Variants in SCAMP1 observed in about 807,000 individuals in gnomAD.
The protein encoded by SCAMP1 is secretory carrier membrane protein 1, also known as secretory carrier-associated membrane protein 1.
SCAMP1 carries 15 observed loss-of-function variants against 41.8 expected under a neutral mutation model. That is an observed-to-expected ratio of 0.36 (90% confidence interval 0.24 to 0.55). SCAMP1 has a LOEUF of 0.55. SCAMP1 is among the 20% of genes least tolerant of loss of function. The probability of loss-of-function intolerance (pLI) is 0.86; values close to 1 mark genes in which losing one functional copy is unlikely to be tolerated. For missense variants in SCAMP1, 341 were observed against 412.6 expected (o/e 0.83, Z 1.50); for synonymous variants, 135 against 136.8 (o/e 0.99, Z 0.09).
intron 6 of SCAMP1, among the ~76,000 whole-genome samples, chr5:78,440,134 G>T (rs545170214): frequency 6.6e-6 from 1 of 152,032 alleles, no homozygotes; most frequent in Middle Eastern, 3.2e-3. Context: ...TTTTAGCTTC[G>T]TGATGGGTTT....
intron 7 of SCAMP1, among the ~76,000 whole-genome samples, chr5:78,453,818 G>A (rs1753308206): frequency 6.6e-6 from 1 of 151,436 alleles, no homozygotes; most frequent in Non-Finnish European, 1.5e-5. Flanking sequence ...CTACCCATGA[G>A]CATGGAATGT....
At chr5:78,433,855 C>T (rs78777069) in intron 6 of SCAMP1, among the ~76,000 whole-genome samples, 1 of 152,208 alleles carries the variant, frequency 6.6e-6, no homozygotes, top group Non-Finnish European at 1.5e-5. Flanking sequence ...GAGATCTGCC[C>T]TTCTCAGTGA....
rs1753995808 is a variant in SCAMP1, at chr5:78,476,015, A to C, written c.*347A>C. On this transcript the variant is annotated 3_prime_UTR_variant, in exon 9 of 9. Transcript: ENST00000621999. ...TAATACTAACTGCAGTAGTTCTTTC[A>C]AGAATCTTTAGAGATAAGGATTGCA... 6.5e-6 allele frequency: 1 copy of C among 154,812 alleles called. No individual in the cohort carries two copies. The highest frequency in any genetic ancestry group is 6.5e-5 in the Admixed American group (1 of 15,470). The allele number at this position is 154,812 out of a possible 1,614,324, so 9.6% of individuals were successfully genotyped here. A position where few individuals can be genotyped will look rare whatever the true frequency, so the allele number is the denominator to read the frequency against.
chr5:78,419,065 C>T (rs1752278033), intron 5 of SCAMP1, among the ~76,000 whole-genome samples, 162 bp downstream of exon 5: 1 of 152,114 alleles, frequency 6.6e-6, no homozygotes, highest in Non-Finnish European at 1.5e-5. Flanking sequence ...TTAGGTACTT[C>T]AGAATTGTAC....
At chr5:78,414,966 T>G in intron 2 of SCAMP1, among the ~76,000 whole-genome samples, 1 of 151,900 alleles carries the variant, frequency 6.6e-6, no homozygotes. Flanking sequence ...CTTTTTTTTT[T>G]TTTTTGAGAT....
intron 1 of SCAMP1, among the ~76,000 whole-genome samples, chr5:78,362,365 C>T (rs1266066778): frequency 6.6e-6 from 1 of 152,164 alleles, no homozygotes; most frequent in Non-Finnish European, 1.5e-5. Flanking sequence ...TATTAACTGG[C>T]TCTCTTGTTA....
At chr5:78,433,058 T>C (rs1752661234) in intron 6 of SCAMP1, among the ~76,000 whole-genome samples, 1 of 152,196 alleles carries the variant, frequency 6.6e-6, no homozygotes, top group South Asian at 2.1e-4. Flanking sequence ...ATGATATTTT[T>C]CATTTCTACC....
chr5:78,419,824 T>C lies in SCAMP1; in HGVS notation c.472+921T>C, dbSNP rs146188325. 1.7e-4 allele frequency among the ~76,000 whole-genome samples: 26 copies of C among 152,336 alleles called. No homozygotes were observed. In the East Asian group the frequency reaches 4.0e-3, roughly 24 times the overall value. On this transcript the variant is annotated intron_variant, in intron 5 of 8. Coordinates refer to ENST00000621999, the MANE Select transcript of SCAMP1 (RefSeq NM_004866.6). ...TCATGTATGTCAAGTTGTTTTGGAA[T>C]GTGAGAAGTGTTTCCTAATGGATAG...
intron 2 of SCAMP1, among the ~76,000 whole-genome samples, chr5:78,414,279 TTTA>T (rs1334938386): frequency 5.3e-5 from 8 of 151,618 alleles, no homozygotes; most frequent in African/African-American, 9.7e-5. Context: ...TAATTTTTAT[TTTA>T]TTATTATTAT....
rs752258321 is a variant in SCAMP1, at chr5:78,480,141, CTT to C, written c.*4475_*4476del. Among the ~76,000 whole-genome samples, 4 of 152,014 alleles carry C rather than the reference CTT, an allele frequency of 2.6e-5. No individual in the cohort carries two copies. The highest frequency in any genetic ancestry group is 5.9e-5 in the Non-Finnish European group (4 of 67,990). Reference sequence around the variant, plus strand: ...ATGTGGCAATGTAGTGAGTGTTAAACTTTGTGTTTGTCCAAATCCTGATTTAT... The same window carrying C: ...ATGTGGCAATGTAGTGAGTGTTAAACTGTGTTTGTCCAAATCCTGATTTAT... On this transcript the variant is annotated 3_prime_UTR_variant, in exon 9 of 9. Transcript: ENST00000621999.
intron 6 of SCAMP1, among the ~76,000 whole-genome samples, chr5:78,432,794 C>G (rs1561274013): frequency 6.6e-6 from 1 of 152,056 alleles, no homozygotes; most frequent in Non-Finnish European, 1.5e-5. Flanking sequence ...GGAAAATTCT[C>G]AGTCATTCAC....
intron 6 of SCAMP1, 130 bp downstream of exon 6, chr5:78,422,090 G>C (rs1468555036): frequency 6.7e-6 from 5 of 750,236 alleles, no homozygotes; most frequent in Non-Finnish European, 6.2e-6. Flanking sequence ...ATACCTTCAG[G>C]AAAGTTCAAT....
intron 6 of SCAMP1, among the ~76,000 whole-genome samples, chr5:78,425,395 A>G (rs2112155092): frequency 6.6e-6 from 1 of 152,320 alleles, no homozygotes; most frequent in Non-Finnish European, 1.5e-5. Flanking sequence ...TCCATAGGTA[A>G]CCATTAGGTT....
At chr5:78,432,520 C>T (rs1752649356) in intron 6 of SCAMP1, among the ~76,000 whole-genome samples, 1 of 152,086 alleles carries the variant, frequency 6.6e-6, no homozygotes, top group Non-Finnish European at 1.5e-5. Context: ...GTACTTTAAA[C>T]ACATCATTTT....
chr5:78,428,994 A>C (rs1457129704), intron 6 of SCAMP1, among the ~76,000 whole-genome samples: 1 of 152,054 alleles, frequency 6.6e-6, no homozygotes, highest in East Asian at 1.9e-4. Context: ...CACTAATTCT[A>C]GTAGTTTGTG....
chr5:78,419,927 G>A (rs1752299880), intron 5 of SCAMP1, among the ~76,000 whole-genome samples: 1 of 152,116 alleles, frequency 6.6e-6, no homozygotes, highest in Admixed American at 6.5e-5. Context: ...AGTGTCAGTA[G>A]TATATATTTT....
intron 6 of SCAMP1, among the ~76,000 whole-genome samples, chr5:78,433,600 G>A (rs1482246174): frequency 6.6e-6 from 1 of 152,148 alleles, no homozygotes; most frequent in East Asian, 1.9e-4. Flanking sequence ...GTTACCTTAT[G>A]TTTAGAGTGA....
At chr5:78,470,232 G>A (rs974581985) in intron 8 of SCAMP1, among the ~76,000 whole-genome samples, 24 of 152,024 alleles carry the variant, frequency 1.6e-4, no homozygotes, top group Non-Finnish European at 3.2e-4. Context: ...CAATTCAGTG[G>A]CATCAATTAC....
intron 6 of SCAMP1, among the ~76,000 whole-genome samples, chr5:78,427,415 A>G (rs145228506): frequency 6.6e-6 from 1 of 152,258 alleles, no homozygotes; most frequent in African/African-American, 2.4e-5. Flanking sequence ...CCCCACCTCC[A>G]ACATTGGGAA....
Sources: gnomAD v4.1 joint callset for allele counts (sites outside exome capture counted in the v4.1 genomes callset) on GRCh38, gnomAD v4.1.1 for gene constraint, MANE v1.5 for transcripts, NCBI Gene and HGNC (gene_info 2026-07-23, HGNC 2026-07-21) for gene names.